Variants in BCR observed in about 807,000 individuals in gnomAD.
BCR encodes BCR activator of RhoGEF and GTPase, also known as breakpoint cluster region protein.
Under a neutral mutation model 138.6 loss-of-function variants are expected in BCR, and 58 were observed. The observed-to-expected ratio is 0.42, with a 90% CI of 0.34 to 0.52. The LOEUF (loss-of-function observed/expected upper bound fraction) is 0.52, where lower values mean the gene tolerates loss of function less well. Among genes scored for constraint, BCR ranks in the 20% least tolerant of loss-of-function variants. The pLI is 0.06. For synonymous variants in BCR, 786 were observed against 730.1 expected (o/e 1.08, Z -1.23); for missense variants, 1,599 against 1,727.2 (o/e 0.93, Z 1.32).
intron 1 of BCR, among the ~76,000 whole-genome samples, chr22:23,214,564 T>G (rs181531219): frequency 3.9e-5 from 6 of 152,268 alleles, no homozygotes; most frequent in African/African-American, 1.4e-4. Flanking sequence ...TCAGGCGGAT[T>G]ATTTCGTGCT....
At chr22:23,270,172 G>A (rs1304804428) in intron 5 of BCR, among the ~76,000 whole-genome samples, 1 of 152,196 alleles carries the variant, frequency 6.6e-6, no homozygotes, top group Non-Finnish European at 1.5e-5. Flanking sequence ...GTGCTCAGGC[G>A]TGGGAGTTCG....
At chr22:23,209,523 G>A (rs936263841) in intron 1 of BCR, among the ~76,000 whole-genome samples, 2 of 147,626 alleles carry the variant, frequency 1.4e-5, no homozygotes, top group Admixed American at 1.3e-4. Flanking sequence ...TTCGTGGCTT[G>A]TTTGCTAATT....
chr22:23,236,851 G>A (rs567772140), intron 1 of BCR, among the ~76,000 whole-genome samples: 3 of 113,988 alleles, frequency 2.6e-5, no homozygotes, highest in Admixed American at 9.1e-5. Flanking sequence ...TCTGGGAAGC[G>A]TGAACAAATT....
intron 1 of BCR, among the ~76,000 whole-genome samples, chr22:23,207,899 A>G (rs181041334): frequency 8.2e-4 from 125 of 152,272 alleles, no homozygotes; most frequent in East Asian, 6.6e-3. Flanking sequence ...GGCCCTGCTC[A>G]GTGCCCTACA....
intron 16 of BCR, chr22:23,302,720 T>G (rs772570883): frequency 2.0e-5 from 3 of 152,220 alleles, no homozygotes; most frequent in Non-Finnish European, 4.4e-5. Context: ...CCACCACTCC[T>G]CCGACTTACT....
At chr22:23,242,859 A>G (rs899569062) in intron 1 of BCR, 1 of 455,826 alleles carries the variant, frequency 2.2e-6, no homozygotes, top group East Asian at 7.0e-5. Flanking sequence ...CCGCAGGGCC[A>G]GGCTGTCTCT....
At chr22:23,254,122 C>T in intron 2 of BCR, 142 bp downstream of exon 2, 1 of 914,398 alleles carries the variant, frequency 1.1e-6, no homozygotes, top group East Asian at 2.7e-5. Flanking sequence ...ACTCCTTCCT[C>T]ATCTCTACAT....
intron 1 of BCR, among the ~76,000 whole-genome samples, chr22:23,219,713 C>T (rs1044133788): frequency 1.3e-5 from 2 of 152,174 alleles, no homozygotes; most frequent in Admixed American, 6.5e-5. Context: ...GTGCTTCCTG[C>T]ACCCCCTCTC....
chr22:23,202,860 G>A (rs1393133530), intron 1 of BCR, among the ~76,000 whole-genome samples: 4 of 115,138 alleles, frequency 3.5e-5, no homozygotes, highest in Admixed American at 2.9e-4. Context: ...TTTTTTGTGG[G>A]GTTTTTTTTT....
intron 20 of BCR, 75 bp downstream of exon 20, chr22:23,313,096 G>T: frequency 6.6e-7 from 1 of 1,514,678 alleles, no homozygotes; most frequent in Non-Finnish European, 8.9e-7. Context: ...GCTGTGAAAA[G>T]TGAGGTGTGG....
At chr22:23,202,721 TTGTG>T (rs58577462) in intron 1 of BCR, among the ~76,000 whole-genome samples, 22 of 142,862 alleles carry the variant, frequency 1.5e-4, no homozygotes, top group South Asian at 1.1e-3. Context: ...ATTCAATTGT[TTGTG>T]TGTGTGTGTG....
Position 23,315,856 on chromosome 22 carries a change from T to C in BCR, c.*334T>C, listed in dbSNP as rs1475846054. On this transcript the variant is annotated 3_prime_UTR_variant, in exon 23 of 23. Transcript: ENST00000305877. ...CTTAACTTAGAGTCTAAAAGATTTC[T>C]ACTGGATCACTTGTCAAGATGCGCC... The C allele has an allele frequency of 4.5e-6, 2 of 440,182 alleles. No homozygotes were observed. The highest frequency in any genetic ancestry group is 8.6e-6 in the Non-Finnish European group (2 of 232,166). 27.3% of individuals were successfully genotyped at this position (440,182 alleles called of 1,614,324 possible). A position where few individuals can be genotyped will look rare whatever the true frequency, so the allele number is the denominator to read the frequency against.
chr22:23,275,916 G>A (rs2044900816), intron 8 of BCR, among the ~76,000 whole-genome samples: 1 of 152,146 alleles, frequency 6.6e-6, no homozygotes, highest in Admixed American at 6.5e-5. Context: ...AGCATTCCTA[G>A]AGACAAGGAA....
intron 8 of BCR, among the ~76,000 whole-genome samples, chr22:23,277,937 A>G (rs1281515707): frequency 6.6e-6 from 1 of 152,176 alleles, no homozygotes; most frequent in Non-Finnish European, 1.5e-5. Context: ...GCCGTGAGCC[A>G]CAGGTGCTGC....
At chr22:23,297,244 A>C (rs2073857231) in intron 16 of BCR, among the ~76,000 whole-genome samples, 1 of 125,608 alleles carries the variant, frequency 8.0e-6, no homozygotes, top group African/African-American at 3.2e-5. Context: ...TTTTCGAGAC[A>C]GAGTTTTGCT....
chr22:23,254,070 G>A, intron 2 of BCR, 90 bp downstream of exon 2: 3 of 1,415,452 alleles, frequency 2.1e-6, no homozygotes, highest in Non-Finnish European at 2.8e-6. Context: ...GCAGGTAGGT[G>A]GTGGAGCAGC....
chr22:23,255,219 C>T lies in BCR; in HGVS notation c.1461+1239C>T, dbSNP rs540024025. 9.2e-5 allele frequency among the ~76,000 whole-genome samples: 14 copies of T among 152,254 alleles called. No homozygotes were observed. The East Asian group carries it at 2.7e-3, about 29-fold the overall frequency. ...GATTTCTGAAGGCCTTGGTGCTGGG[C>T]AGGCTTCTCATTCTGAACCGAGAGG... On this transcript the variant is annotated intron_variant, in intron 2 of 22. Transcript: ENST00000305877.
intron 16 of BCR, among the ~76,000 whole-genome samples, chr22:23,297,399 G>A (rs753941350): frequency 2.0e-5 from 3 of 151,782 alleles, no homozygotes; most frequent in African/African-American, 4.8e-5. Flanking sequence ...TTTCCCATTC[G>A]GTCCTTGCAG....
intron 1 of BCR, among the ~76,000 whole-genome samples, chr22:23,248,669 C>T (rs1485917698): frequency 2.0e-5 from 3 of 152,202 alleles, no homozygotes; most frequent in Non-Finnish European, 4.4e-5. Flanking sequence ...CCCTCTTCCA[C>T]ACCAACCCTG....
Sources: gnomAD v4.1 joint callset for allele counts (sites outside exome capture counted in the v4.1 genomes callset) on GRCh38, gnomAD v4.1.1 for gene constraint, MANE v1.5 for transcripts, NCBI Gene and HGNC (gene_info 2026-07-23, HGNC 2026-07-21) for gene names.